Variants in CSMD1 observed in about 807,000 individuals in gnomAD.
CSMD1 encodes CUB and sushi domain-containing protein 1.
In CSMD1, 213 loss-of-function variants were observed where a neutral mutation model predicts 417.5. The ratio of observed to expected loss-of-function variants is 0.51; its 90% CI spans 0.46 to 0.57. CSMD1 has a LOEUF of 0.57. CSMD1 is among the 20% of genes least tolerant of loss of function. The probability of loss-of-function intolerance (pLI) is 0.00; values close to 1 mark genes in which losing one functional copy is unlikely to be tolerated. For synonymous variants in CSMD1, 2,862 were observed against 1,736.8 expected (o/e 1.65, Z -16.11); for missense variants, 6,923 against 4,529.7 (o/e 1.53, Z -15.17).
chr8:4,691,901 G>C (rs1419128211), intron 1 of CSMD1, among the ~76,000 whole-genome samples: 1 of 152,228 alleles, frequency 6.6e-6, no homozygotes, highest in African/African-American at 2.4e-5. Flanking sequence ...CATGAACTCA[G>C]TTTGGGGACA....
At chr8:4,297,963 G>T (rs1797774816) in intron 3 of CSMD1, among the ~76,000 whole-genome samples, 1 of 152,150 alleles carries the variant, frequency 6.6e-6, no homozygotes, top group East Asian at 1.9e-4. Context: ...CGGATTACCT[G>T]AAGAGTGAAT....
chr8:3,988,142 G>A (rs1364459636), intron 5 of CSMD1, among the ~76,000 whole-genome samples: 1 of 152,080 alleles, frequency 6.6e-6, no homozygotes, highest in East Asian at 1.9e-4. Context: ...GTCATCTGCT[G>A]GGCAGTTGGG....
chr8:4,307,091 A>G lies in CSMD1; in HGVS notation c.415+112862T>C, dbSNP rs573164385. On this transcript the variant is annotated intron_variant, in intron 3 of 69. Coordinates refer to ENST00000635120, the MANE Select transcript of CSMD1 (RefSeq NM_033225.6). ...CCTGCTCCCACTATTGCCAATTTCAATTGTTTTATCTCTACAAGGCCGGCT... is the reference window on the plus strand; with the variant it reads ...CCTGCTCCCACTATTGCCAATTTCAGTTGTTTTATCTCTACAAGGCCGGCT... Among the ~76,000 whole-genome samples the G allele has an allele frequency of 4.6e-5, 7 of 152,074 alleles. No homozygotes were observed. The East Asian group carries it at 1.4e-3, about 29-fold the overall frequency.
intron 5 of CSMD1, among the ~76,000 whole-genome samples, chr8:3,834,856 C>G (rs979143738): frequency 1.3e-5 from 2 of 151,618 alleles, no homozygotes; most frequent in East Asian, 1.9e-4. Context: ...ACAATGAACT[C>G]CAACAAATTT....
chr8:4,019,079 T>C (rs1249190679), intron 4 of CSMD1, among the ~76,000 whole-genome samples: 1 of 152,234 alleles, frequency 6.6e-6, no homozygotes, highest in South Asian at 2.1e-4. Context: ...TGCTAGAAAT[T>C]GTCTATATCT....
intron 1 of CSMD1, among the ~76,000 whole-genome samples, chr8:4,929,358 A>G (rs1807082029): frequency 6.6e-6 from 1 of 151,858 alleles, no homozygotes; most frequent in South Asian, 2.1e-4. Flanking sequence ...TTGTTATGGC[A>G]GCCCCAGCAA....
At chr8:4,692,333 G>A (rs180993594) in intron 1 of CSMD1, among the ~76,000 whole-genome samples, 3 of 152,134 alleles carry the variant, frequency 2.0e-5, no homozygotes, top group African/African-American at 2.4e-5. Context: ...AAAAAAGAAT[G>A]TATTAAAAAC....
At chr8:4,469,968 C>A (rs1317846797) in intron 2 of CSMD1, among the ~76,000 whole-genome samples, 2 of 151,620 alleles carry the variant, frequency 1.3e-5, no homozygotes, top group Non-Finnish European at 2.9e-5. Context: ...CCTGGATTCA[C>A]ACCATCATCC....
At chr8:4,034,855 G>C (rs1294986147) in intron 3 of CSMD1, among the ~76,000 whole-genome samples, 1 of 152,080 alleles carries the variant, frequency 6.6e-6, no homozygotes, top group Non-Finnish European at 1.5e-5. Context: ...GTTCCCCAAA[G>C]ACACGGTTAT....
At chr8:3,864,168 A>G (rs2129107205) in intron 5 of CSMD1, among the ~76,000 whole-genome samples, 1 of 152,346 alleles carries the variant, frequency 6.6e-6, no homozygotes, top group East Asian at 1.9e-4. Context: ...TTAATATTAT[A>G]GGAAATCTGC....
intron 1 of CSMD1, among the ~76,000 whole-genome samples, chr8:4,656,328 G>A (rs899500875): frequency 2.6e-5 from 4 of 152,050 alleles, no homozygotes; most frequent in Admixed American, 2.0e-4. Flanking sequence ...AACCTTCAGG[G>A]TAGAGAAGGT....
intron 5 of CSMD1, among the ~76,000 whole-genome samples, chr8:3,858,422 A>C (rs1804459844): frequency 6.6e-6 from 1 of 152,178 alleles, no homozygotes; most frequent in Admixed American, 6.5e-5. Context: ...CTTTTAAATC[A>C]GTTTTTAATC....
chr8:4,872,522 A>G (rs1375843228), intron 1 of CSMD1, among the ~76,000 whole-genome samples: 1 of 152,006 alleles, frequency 6.6e-6, no homozygotes, highest in Non-Finnish European at 1.5e-5. Context: ...TTCACCTTCC[A>G]CCATCATTGT....
chr8:4,023,438 A>T (rs1032209688), intron 4 of CSMD1, among the ~76,000 whole-genome samples: 1 of 152,120 alleles, frequency 6.6e-6, no homozygotes, highest in African/African-American at 2.4e-5. Context: ...CAAAGCCAGC[A>T]CTCATCTAGA....
intron 1 of CSMD1, among the ~76,000 whole-genome samples, chr8:4,711,003 G>A (rs549358308): frequency 5.3e-5 from 8 of 152,046 alleles, no homozygotes; most frequent in South Asian, 4.2e-4. Flanking sequence ...GTGAGGTGAC[G>A]GACAGATGTG....
rs183275677 is a variant in CSMD1 at position 3,941,564 on chromosome 8, A to G, written c.818+56339T>C. Among the ~76,000 whole-genome samples, 8 of 152,274 alleles carry G rather than the reference A, an allele frequency of 5.3e-5. No individual in the cohort carries two copies. In the East Asian group the frequency reaches 1.4e-3, roughly 26 times the overall value. ...CTCTCCGAGCAGTGGGTTTCCTTGG[A>G]TATTTTACTACCTACACATTTCTAT... On this transcript the variant is annotated intron_variant, in intron 5 of 69. Transcript: ENST00000635120.
At chr8:3,866,828 G>C (rs938150367) in intron 5 of CSMD1, among the ~76,000 whole-genome samples, 2 of 152,072 alleles carry the variant, frequency 1.3e-5, no homozygotes, top group African/African-American at 4.8e-5. Flanking sequence ...CTTCAAATCG[G>C]TATTAATCAA....
intron 1 of CSMD1, among the ~76,000 whole-genome samples, chr8:4,854,896 C>A (rs1320578731): frequency 6.6e-6 from 1 of 152,222 alleles, no homozygotes; most frequent in Non-Finnish European, 1.5e-5. Flanking sequence ...GAAGCTCGAA[C>A]TGGGTGGAGC....
At chr8:3,901,721 A>T (rs1437022874) in intron 5 of CSMD1, among the ~76,000 whole-genome samples, 1 of 152,222 alleles carries the variant, frequency 6.6e-6, no homozygotes, top group African/African-American at 2.4e-5. Flanking sequence ...GAATGGAACA[A>T]CTGTCTTTAT....
Sources: gnomAD v4.1 joint callset for allele counts (sites outside exome capture counted in the v4.1 genomes callset) on GRCh38, gnomAD v4.1.1 for gene constraint, MANE v1.5 for transcripts, NCBI Gene and HGNC (gene_info 2026-07-23, HGNC 2026-07-21) for gene names.